Variants in WBP2NL observed in about 807,000 individuals in gnomAD.
WBP2NL encodes WBP2 N-terminal like.
Under a neutral mutation model 23.3 loss-of-function variants are expected in WBP2NL, and 27 were observed. The ratio of observed to expected loss-of-function variants is 1.16; its 90% CI spans 0.85 to 1.60. WBP2NL has a LOEUF of 1.60. Among genes scored for constraint, WBP2NL ranks in the 40% most tolerant of loss-of-function variants. WBP2NL has a pLI of 0.00. For missense variants in WBP2NL, 370 were observed against 389.5 expected, an observed-to-expected ratio of 0.95 and a Z score of 0.42; for synonymous variants, 151 against 145.9, an observed-to-expected ratio of 1.03 and a Z score of -0.25.
At position 42,008,628 on chromosome 22, in the gene WBP2NL, GTGTATTATTGCTCT is replaced by G. The variant is rs1286036122; in HGVS notation, c.62+9752_62+9765del. 9.9e-5 allele frequency among the ~76,000 whole-genome samples: 15 copies of G among 152,204 alleles called. 1 individual carries two copies. The East Asian group carries it at 2.3e-3, about 24-fold the overall frequency. ...CTTTTTATATGCTCATTGGCCATTTGTGTATTATTGCTCTTGTTGCCCAGGCTGGAGTGCAATGG... is the reference window on the plus strand; with the variant it reads ...CTTTTTATATGCTCATTGGCCATTTGTGTTGCCCAGGCTGGAGTGCAATGG... On this transcript the variant is annotated intron_variant, in intron 1 of 5. Transcript: ENST00000328823.
At chr22:42,019,245 G>A in intron 1 of WBP2NL, 66 bp from the exon 2 acceptor site, 1 of 1,430,176 alleles carries the variant, frequency 7.0e-7, no homozygotes, top group East Asian at 2.3e-5. Flanking sequence ...ATTGCGTTAA[G>A]AACTTTATGT....
rs757096407 is a variant in WBP2NL, at chr22:42,020,008, C to G, written c.318C>G (p.Gly106=). The G allele has an allele frequency of 5.0e-6, 8 of 1,613,560 alleles. No individual in the cohort carries two copies. The highest frequency in any genetic ancestry group is 3.3e-5 in the Admixed American group (2 of 59,942). ...KGTIQAAPYG[G]WEGQATFKLV... ...GTGTGCCATTTCTTCCCCCAGGTGG[C>G]TGGGAAGGACAAGCTACTTTTAAAT... is the stretch of plus-strand genomic sequence containing the variant. Residue 106 remains glycine (G), a synonymous_variant, in exon 4 of 6, where the codon GGC becomes GGG. Coordinates refer to ENST00000328823, the MANE Select transcript of WBP2NL (RefSeq NM_152613.3).
At chr22:42,035,793 C>A (rs759188557), downstream of WBP2NL, among the ~76,000 whole-genome samples, 3 of 152,048 alleles carry the variant, frequency 2.0e-5, no homozygotes, top group Non-Finnish European at 4.4e-5. Context: ...CATTTTTATA[C>A]CCTTTGACCA....
chr22:42,043,942 G>C (rs926852034), intron 8 of WBP2NL, among the ~76,000 whole-genome samples: 5 of 152,192 alleles, frequency 3.3e-5, no homozygotes, highest in African/African-American at 1.2e-4. Flanking sequence ...GGCCAGGCTG[G>C]TCTTGAACTA....
At chr22:42,050,039 T>A (rs1925779290) in intron 8 of WBP2NL, among the ~76,000 whole-genome samples, 2 of 151,462 alleles carry the variant, frequency 1.3e-5, no homozygotes, top group South Asian at 4.2e-4. Flanking sequence ...CCATCTTTTA[T>A]ATCTAAAATT....
At chr22:42,056,907 G>A (rs1393489677) in intron 8 of WBP2NL, among the ~76,000 whole-genome samples, 1 of 151,990 alleles carries the variant, frequency 6.6e-6, no homozygotes, top group Non-Finnish European at 1.5e-5. Flanking sequence ...TGTTTCCATG[G>A]TTTCTGATGA....
intron 1 of WBP2NL, among the ~76,000 whole-genome samples, chr22:42,011,880 C>G (rs1226510574): frequency 1.3e-5 from 2 of 152,060 alleles, no homozygotes; most frequent in African/African-American, 4.8e-5. Context: ...TAAAGTGATT[C>G]TCCTGCCTCA....
At chr22:42,050,535 C>G (rs1384401815) in intron 8 of WBP2NL, among the ~76,000 whole-genome samples, 1 of 151,888 alleles carries the variant, frequency 6.6e-6, no homozygotes, top group Non-Finnish European at 1.5e-5. Context: ...GTAATCCCAG[C>G]TACTCAGGAG....
intron 1 of WBP2NL, among the ~76,000 whole-genome samples, chr22:42,009,025 C>T (rs981763285): frequency 2.2e-4 from 33 of 152,076 alleles, no homozygotes; most frequent in African/African-American, 4.3e-4. Flanking sequence ...GTGATCCACC[C>T]GCCTCAGCCT....
At chr22:41,999,028 G>T (rs1259716860) in intron 1 of WBP2NL, 148 bp downstream of exon 1, 8 of 969,970 alleles carry the variant, frequency 8.2e-6, no homozygotes, top group Non-Finnish European at 1.1e-5. Flanking sequence ...TTGGGAGCGC[G>T]CGCCCCTCAC....
At chr22:42,055,203 G>A (rs563844668) in intron 8 of WBP2NL, among the ~76,000 whole-genome samples, 3 of 152,170 alleles carry the variant, frequency 2.0e-5, no homozygotes, top group African/African-American at 4.8e-5. Context: ...TTGAGACTGA[G>A]TCTCGCTCTG....
At chr22:42,056,236 ATC>A (rs1336447466) in intron 8 of WBP2NL, among the ~76,000 whole-genome samples, 1 of 152,128 alleles carries the variant, frequency 6.6e-6, no homozygotes, top group African/African-American at 2.4e-5. Context: ...ATTCTGAACT[ATC>A]TCATTCTGAT....
At chr22:42,044,023 G>T (rs890245249) in intron 8 of WBP2NL, among the ~76,000 whole-genome samples, 16 of 152,068 alleles carry the variant, frequency 1.1e-4, no homozygotes, top group Admixed American at 8.5e-4. Flanking sequence ...CACCTCGCCC[G>T]CCCTGCAGCT....
At chr22:42,029,018 A>C (rs1201019572), downstream of WBP2NL, among the ~76,000 whole-genome samples, 1 of 152,238 alleles carries the variant, frequency 6.6e-6, no homozygotes, top group Non-Finnish European at 1.5e-5. Flanking sequence ...GAGGACCACT[A>C]TTCTAGACTG....
chr22:42,044,619 G>T (rs764511714), intron 8 of WBP2NL, among the ~76,000 whole-genome samples: 44 of 152,088 alleles, frequency 2.9e-4, no homozygotes, highest in Non-Finnish European at 4.4e-4. Flanking sequence ...CCTGGGCAAC[G>T]AGGGGAGACC....
chr22:42,032,423 G>A, downstream of WBP2NL: 1 of 178,540 alleles, frequency 5.6e-6, no homozygotes, highest in Non-Finnish European at 1.2e-5. Flanking sequence ...CTGTTGGTCT[G>A]CATCACCTCT....
chr22:42,020,908 ATTTTTTTTTTTT>A (rs1161784270), intron 4 of WBP2NL, among the ~76,000 whole-genome samples: 1 of 11,230 alleles, frequency 8.9e-5, no homozygotes, highest in Non-Finnish European at 1.4e-4. Flanking sequence ...ATATATATAT[ATTTTTTTTTTTT>A]TTTTTTTTTT....
chr22:42,040,820 G>A (rs922879770), intron 8 of WBP2NL, among the ~76,000 whole-genome samples: 2 of 152,156 alleles, frequency 1.3e-5, no homozygotes, highest in Non-Finnish European at 2.9e-5. Flanking sequence ...CTTGTTTTGT[G>A]ACTTAAGATG....
At chr22:41,999,400 G>A (rs1921340258) in intron 1 of WBP2NL, among the ~76,000 whole-genome samples, 1 of 152,178 alleles carries the variant, frequency 6.6e-6, no homozygotes, top group African/African-American at 2.4e-5. Flanking sequence ...TCAAACTGTT[G>A]TGGGGCTTCT....
Sources: gnomAD v4.1 joint callset for allele counts (sites outside exome capture counted in the v4.1 genomes callset) on GRCh38, gnomAD v4.1.1 for gene constraint, MANE v1.5 for transcripts, NCBI Gene and HGNC (gene_info 2026-07-23, HGNC 2026-07-21) for gene names.